NQO2: variants seen among roughly 807,000 people sequenced by gnomAD.
The protein encoded by NQO2 is N-ribosyldihydronicotinamide:quinone dehydrogenase 2.
Under a neutral mutation model 22.0 loss-of-function variants are expected in NQO2, and 18 were observed. The ratio of observed to expected loss-of-function variants is 0.82; its 90% CI spans 0.56 to 1.21. The LOEUF is 1.21. Among genes scored for constraint, NQO2 ranks in the 50% most tolerant of loss-of-function variants. NQO2 has a pLI of 0.00. For synonymous variants in NQO2, 106 were observed against 110.8 expected (o/e 0.96, Z 0.28); for missense variants, 267 against 286.9 (o/e 0.93, Z 0.50).
intron 1 of NQO2, chr6:3,000,401 C>G (rs570560832): frequency 1.2e-4 from 19 of 152,448 alleles, no homozygotes; most frequent in African/African-American, 4.3e-4. Context: ...GGGTTTAGGC[C>G]CGTGCGCTGC....
At chr6:3,010,251 A>T in intron 3 of NQO2, 62 bp downstream of exon 3, 2 of 1,396,852 alleles carry the variant, frequency 1.4e-6, no homozygotes, top group South Asian at 1.6e-5. Context: ...ACTTTAAAAA[A>T]TGTTGACTTC....
intron 6 of NQO2, 78 bp from the exon 7 acceptor site, chr6:3,019,401 C>A: frequency 2.7e-6 from 4 of 1,486,930 alleles, no homozygotes; most frequent in Non-Finnish European, 3.6e-6. Context: ...ACACCATTTC[C>A]CCCCTTAAAT....
At chr6:3,003,359 C>T (rs1198868999) in intron 1 of NQO2, among the ~76,000 whole-genome samples, 3 of 151,000 alleles carry the variant, frequency 2.0e-5, no homozygotes, top group Non-Finnish European at 4.4e-5. Context: ...TTGTTCTTCA[C>T]AATCACTGCC....
At position 3,019,691 on chromosome 6, in the gene NQO2, T is replaced by G. The variant is rs746229049; in HGVS notation, c.*36T>G. 2 of 1,529,390 alleles carry G rather than the reference T, an allele frequency of 1.3e-6. No homozygotes were observed. Among genetic ancestry groups the G allele is most frequent in the South Asian group, 2.4e-5 (2 of 82,322 alleles). The allele number at this position is 1,529,390 out of a possible 1,614,324, so 94.7% of individuals were successfully genotyped here. ...CGTGGGCATCACGTAAGCAGCACAC[T>G]AGGAGGCCCAGGCGCAGGCAAAGAG... On this transcript the variant is annotated 3_prime_UTR_variant, in exon 7 of 7. Transcript: ENST00000380455.
chr6:3,005,343 C>T lies in NQO2; in HGVS notation c.-85-1125C>T, dbSNP rs144984997. On this transcript the variant is annotated intron_variant, in intron 1 of 6. Transcript: ENST00000380455. ...GGGCACAGCACCTCTCCAGCAGCGG[C>T]AGCACTCGACCTTTCCCCAGCGGTG... 2.6e-5 allele frequency among the ~76,000 whole-genome samples: 4 copies of T among 152,330 alleles called. No individual in the cohort carries two copies. The East Asian group carries it at 7.7e-4, about 29-fold the overall frequency.
intron 1 of NQO2, among the ~76,000 whole-genome samples, chr6:3,003,183 A>T (rs1386767904): frequency 6.6e-6 from 1 of 152,112 alleles, no homozygotes. Flanking sequence ...TTTTTCCTTT[A>T]AGATAATCCC....
chr6:3,008,795 G>A (rs1330793636), intron 2 of NQO2, among the ~76,000 whole-genome samples: 1 of 152,120 alleles, frequency 6.6e-6, no homozygotes, highest in Admixed American at 6.5e-5. Context: ...ATGTCGGCAG[G>A]TTCCGTGATG....
intron 3 of NQO2, 21 bp from the exon 4 acceptor site, chr6:3,012,523 G>A: frequency 6.2e-7 from 1 of 1,613,932 alleles, no homozygotes; most frequent in Non-Finnish European, 8.5e-7. Flanking sequence ...GAGTGAGAAT[G>A]TTTGGCCTCT....
At chr6:3,002,826 C>T (rs7759563) in intron 1 of NQO2, among the ~76,000 whole-genome samples, 118,371 of 151,654 alleles carry the variant, frequency 0.78, 46,334 homozygotes, top group African/African-American at 0.82. Context: ...TGAAACAGAG[C>T]CTAACTCTGT....
At chr6:3,013,115 C>CAG (rs1757203344) in intron 4 of NQO2, among the ~76,000 whole-genome samples, 1 of 151,644 alleles carries the variant, frequency 6.6e-6, no homozygotes, top group Admixed American at 6.6e-5. Flanking sequence ...GCCACCACGC[C>CAG]CGGCTAGTTT....
At chr6:3,010,369 A>G (rs971732702) in intron 3 of NQO2, among the ~76,000 whole-genome samples, 180 bp downstream of exon 3, 17 of 151,992 alleles carry the variant, frequency 1.1e-4, no homozygotes, top group African/African-American at 4.1e-4. Flanking sequence ...TATGAAGATG[A>G]AATAGTTCCC....
intron 4 of NQO2, chr6:3,015,248 A>AG: frequency 7.1e-7 from 1 of 1,418,028 alleles, no homozygotes; most frequent in Admixed American, 2.1e-5. Context: ...TGTTACGCAC[A>AG]GCTCCTCGTC....
intron 4 of NQO2, among the ~76,000 whole-genome samples, chr6:3,013,210 C>T (rs536948860): frequency 0.027 from 4,104 of 152,170 alleles, 201 homozygotes; most frequent in African/African-American, 0.094. Flanking sequence ...CCGCCTCGGC[C>T]TCCCAAAGTG....
intron 2 of NQO2, among the ~76,000 whole-genome samples, chr6:3,007,263 G>A (rs1335448408): frequency 1.3e-5 from 2 of 152,108 alleles, no homozygotes; most frequent in Non-Finnish European, 2.9e-5. Flanking sequence ...AAACCAAAAT[G>A]TCTCCAGGCA....
chr6:3,011,391 AT>A (rs1426732971), intron 3 of NQO2, among the ~76,000 whole-genome samples: 16 of 152,218 alleles, frequency 1.1e-4, no homozygotes, highest in African/African-American at 3.9e-4. Flanking sequence ...AAGGCAGGTG[AT>A]TTGAAAATAC....
At chr6:3,016,430 C>CAAAAAAAAAAAAAAAAAAA (rs36118697) in intron 5 of NQO2, among the ~76,000 whole-genome samples, 1 of 85,694 alleles carries the variant, frequency 1.2e-5, no homozygotes, top group African/African-American at 4.8e-5. Flanking sequence ...GACTCTGTCT[C>CAAAAAAAAAAAAAAAAAAA]AAAAAAAAAA....
chr6:3,012,798 CTG>C, intron 4 of NQO2, 124 bp downstream of exon 4: 1 of 943,218 alleles, frequency 1.1e-6, no homozygotes, highest in South Asian at 1.7e-5. Flanking sequence ...TGCACACTTA[CTG>C]AGCAAATATT....
chr6:3,002,223 TC>T, intron 1 of NQO2: 2 of 985,416 alleles, frequency 2.0e-6, no homozygotes, highest in Non-Finnish European at 2.4e-6. Context: ...TTTCGGGCAA[TC>T]ACTTTGGGAA....
chr6:3,000,756 C>G (rs1010191428), intron 1 of NQO2, among the ~76,000 whole-genome samples: 3 of 152,160 alleles, frequency 2.0e-5, no homozygotes, highest in Non-Finnish European at 4.4e-5. Context: ...TCAGGCTGGT[C>G]TCAAACTCCT....
Sources: gnomAD v4.1 joint callset for allele counts (sites outside exome capture counted in the v4.1 genomes callset) on GRCh38, gnomAD v4.1.1 for gene constraint, MANE v1.5 for transcripts, NCBI Gene and HGNC (gene_info 2026-07-23, HGNC 2026-07-21) for gene names.